The following LEPR variants were observed in gnomAD, a reference collection of about 807,000 sequenced individuals.
LEPR encodes leptin receptor.
LEPR carries 56 observed loss-of-function variants against 114.7 expected under a neutral mutation model. The ratio of observed to expected loss-of-function variants is 0.49; its 90% CI spans 0.39 to 0.61. The LOEUF (loss-of-function observed/expected upper bound fraction) is 0.61. Ranked by LOEUF, LEPR falls within the 20% of genes least tolerant of loss-of-function variation. The pLI, the probability that LEPR is intolerant of heterozygous loss-of-function variation, is 0.00. For missense variants in LEPR, 1,202 were observed against 1,352.9 expected (o/e 0.89, Z 1.75); for synonymous variants, 443 against 461.4 (o/e 0.96, Z 0.51).
intron 2 of LEPR, among the ~76,000 whole-genome samples, chr1:65,472,641 C>CAT (rs1032622446): frequency 1.5e-5 from 2 of 134,424 alleles, no homozygotes; most frequent in Non-Finnish European, 3.5e-5. Flanking sequence ...CACACACACA[C>CAT]ACACACATAT....
intron 10 of LEPR, among the ~76,000 whole-genome samples, chr1:65,602,572 C>A (rs974337626): frequency 2.6e-5 from 4 of 151,936 alleles, no homozygotes; most frequent in African/African-American, 9.7e-5. Flanking sequence ...AATGATACAA[C>A]CCTTGATTAT....
chr1:65,573,053 C>T (rs1219244121), intron 5 of LEPR, among the ~76,000 whole-genome samples: 1 of 152,188 alleles, frequency 6.6e-6, no homozygotes, highest in African/African-American at 2.4e-5. Flanking sequence ...GCAAGACTGA[C>T]AGCTCTGGTA....
chr1:65,632,291 C>T (rs1447851684), intron 19 of LEPR, among the ~76,000 whole-genome samples: 1 of 152,102 alleles, frequency 6.6e-6, no homozygotes, highest in Non-Finnish European at 1.5e-5. Flanking sequence ...GCCATCTCCC[C>T]TATGCCCAGA....
chr1:65,511,956 T>A (rs1649054742), intron 2 of LEPR, among the ~76,000 whole-genome samples: 1 of 152,184 alleles, frequency 6.6e-6, no homozygotes, highest in Non-Finnish European at 1.5e-5. Context: ...AATTGACTCA[T>A]GGTTCTGCAG....
intron 5 of LEPR, among the ~76,000 whole-genome samples, chr1:65,587,966 A>G (rs1338607595): frequency 6.6e-6 from 1 of 151,994 alleles, no homozygotes; most frequent in African/African-American, 2.4e-5. Context: ...TTCCCTCTAC[A>G]AGGACTGCAA....
At chr1:65,619,633 T>C (rs184095138) in intron 16 of LEPR, among the ~76,000 whole-genome samples, 97 of 152,266 alleles carry the variant, frequency 6.4e-4, no homozygotes, top group African/African-American at 2.2e-3. Context: ...AAAAAGCTCA[T>C]ACACCCTGCA....
At chr1:65,593,002 G>T (rs1655813200) in intron 6 of LEPR, 137 bp downstream of exon 6, 1 of 914,160 alleles carries the variant, frequency 1.1e-6, no homozygotes, top group Middle Eastern at 3.2e-4. Context: ...AGTACTGGGG[G>T]TATTAAGAGT....
At chr1:65,518,873 T>TTCTTTCTTTCTTTC (rs763024512) in intron 2 of LEPR, among the ~76,000 whole-genome samples, 194 of 117,322 alleles carry the variant, frequency 1.7e-3, no homozygotes, top group Middle Eastern at 4.5e-3. Flanking sequence ...CTTTCTTTCT[T>TTCTTTCTTTCTTTC]TTTCTTTCTT....
intron 5 of LEPR, chr1:65,578,327 C>A: frequency 8.9e-6 from 2 of 225,310 alleles, no homozygotes; most frequent in South Asian, 1.5e-4. Flanking sequence ...CTGCACAGGT[C>A]ACAGATGTAA....
rs186583963 is a variant in LEPR at position 65,634,702 on chromosome 1, T to C, written c.2674-1489T>C. On this transcript the variant is annotated intron_variant, in intron 19 of 19. Transcript: ENST00000349533. Reference sequence around the variant, plus strand: ...GTAATCTTGACTATGGTTATGGTTTTTTTGTATGTATTCCTTGTTTTCATA... The same window carrying C: ...GTAATCTTGACTATGGTTATGGTTTCTTTGTATGTATTCCTTGTTTTCATA... 2.2e-4 allele frequency: 208 copies of C among 960,614 alleles called. 2 individuals are homozygous for C. Among genetic ancestry groups the C allele is most frequent in the Non-Finnish European group, 1.6e-4 (127 of 807,736 alleles). 59.5% of individuals were successfully genotyped at this position (960,614 alleles called of 1,614,324 possible).
chr1:65,554,191 C>A (rs1462083156), intron 2 of LEPR, among the ~76,000 whole-genome samples: 2 of 152,134 alleles, frequency 1.3e-5, no homozygotes, highest in Admixed American at 1.3e-4. Flanking sequence ...TGGTTAGGAA[C>A]CCATTTGAGG....
At chr1:65,432,434 G>A in intron 2 of LEPR, 1 of 695,150 alleles carries the variant, frequency 1.4e-6, no homozygotes, top group Non-Finnish European at 1.8e-6. Flanking sequence ...ATTTTGATGA[G>A]ATCCAAAGGA....
Position 65,617,133 on chromosome 1 carries a change from T to C in LEPR, c.2213-831T>C, listed in dbSNP as rs141971979. 2.5e-3 allele frequency among the ~76,000 whole-genome samples: 388 copies of C among 152,258 alleles called. 1 individual carries two copies. Among genetic ancestry groups the C allele is most frequent in the African/African-American group, 9.0e-3 (373 of 41,564 alleles). ...GTGGGGTAGGTAGTGGGAATTGTAA[T>C]GTGAGAAAAACTATAATGGTTGGAG... On this transcript the variant is annotated intron_variant, in intron 15 of 19. Transcript: ENST00000349533.
Position 65,636,433 on chromosome 1 carries a change from A to G in LEPR, c.2916A>G (p.Val972=), listed in dbSNP as rs768580245. ...VNFSEAEGTE[V]TYEDESQRQP... ...TCTCTGAGGCTGAGGGTACTGAGGT[A>G]ACCTATGAGGACGAAAGCCAGAGAC... Residue 972 remains valine (V), a synonymous_variant, in exon 20 of 20, where the codon GTA becomes GTG. Transcript: ENST00000349533. The G allele has an allele frequency of 6.2e-7, 1 of 1,614,148 alleles. No homozygotes were observed. Among genetic ancestry groups the G allele is most frequent in the South Asian group, 1.1e-5 (1 of 91,076 alleles).
At chr1:65,475,293 T>A (rs1402081442) in intron 2 of LEPR, among the ~76,000 whole-genome samples, 1 of 152,172 alleles carries the variant, frequency 6.6e-6, no homozygotes, top group Non-Finnish European at 1.5e-5. Flanking sequence ...GCACTATGAT[T>A]TTTCTTCAGA....
chr1:65,549,080 C>A (rs1243851706), intron 2 of LEPR, among the ~76,000 whole-genome samples: 1 of 151,578 alleles, frequency 6.6e-6, no homozygotes, highest in Non-Finnish European at 1.5e-5. Context: ...CTTAGTTTGG[C>A]TGGATATGAA....
rs4655537 is a variant in LEPR at position 65,593,118 on chromosome 1, A to G, written c.703+253A>G. On this transcript the variant is annotated intron_variant, in intron 6 of 19. Coordinates refer to ENST00000349533, the MANE Select transcript of LEPR (RefSeq NM_002303.6). Reference sequence around the variant, plus strand: ...AATCCTGGATCTATGTAATGGATGTATATTGATTGGATATCACTTTTTCAC... The same window carrying G: ...AATCCTGGATCTATGTAATGGATGTGTATTGATTGGATATCACTTTTTCAC... 0.65 allele frequency among the ~76,000 whole-genome samples: 98,959 copies of G among 151,906 alleles called. 32,571 individuals are homozygous for G. The highest frequency in any genetic ancestry group is 0.92 in the East Asian group (4,782 of 5,176).
intron 2 of LEPR, among the ~76,000 whole-genome samples, chr1:65,445,553 G>T (rs749475191): frequency 6.6e-6 from 1 of 152,046 alleles, no homozygotes; most frequent in Non-Finnish European, 1.5e-5. Context: ...AAGATAATGA[G>T]TGGATCTGTG....
intron 2 of LEPR, among the ~76,000 whole-genome samples, chr1:65,520,807 G>A (rs957005074): frequency 2.0e-5 from 3 of 152,230 alleles, no homozygotes; most frequent in African/African-American, 7.2e-5. Flanking sequence ...TAAAGGGATT[G>A]GCTGAAGTAA....
Sources: gnomAD v4.1 joint callset for allele counts (sites outside exome capture counted in the v4.1 genomes callset) on GRCh38, gnomAD v4.1.1 for gene constraint, MANE v1.5 for transcripts, NCBI Gene and HGNC (gene_info 2026-07-23, HGNC 2026-07-21) for gene names.